MAGI1: variants seen among roughly 807,000 people sequenced by gnomAD.
MAGI1 encodes the protein membrane-associated guanylate kinase, WW and PDZ domain-containing protein 1.
Under a neutral mutation model 139.9 loss-of-function variants are expected in MAGI1, and 58 were observed. That is an observed-to-expected ratio of 0.41 (90% confidence interval 0.34 to 0.52). The LOEUF is 0.52. MAGI1 is among the 20% of genes least tolerant of loss of function. The probability of loss-of-function intolerance (pLI) is 0.12; values close to 1 mark genes in which losing one functional copy is unlikely to be tolerated. For missense variants in MAGI1, 1,874 were observed against 1,901.6 expected (o/e 0.99, Z 0.27); for synonymous variants, 812 against 737.9 (o/e 1.10, Z -1.63).
rs575640979 is a variant in MAGI1 at position 65,819,454 on chromosome 3, T to C, written c.314-197366A>G. ...ACATTGGTCATCCTAGTGACCAATG[T>C]ATACAAGTGAATAACAGCAGGACAG... On this transcript the variant is annotated intron_variant, in intron 1 of 22. Coordinates refer to ENST00000402939, the MANE Select transcript of MAGI1 (RefSeq NM_001033057.2). Among the ~76,000 whole-genome samples the C allele has an allele frequency of 2.0e-5, 3 of 152,262 alleles. No homozygotes were observed. In the East Asian group the frequency reaches 5.8e-4, roughly 30 times the overall value.
At chr3:65,768,265 C>T (rs1303290397) in intron 1 of MAGI1, among the ~76,000 whole-genome samples, 1 of 152,048 alleles carries the variant, frequency 6.6e-6, no homozygotes, top group East Asian at 1.9e-4. Context: ...ACTAAAAATA[C>T]AAAAATTAGC....
At chr3:65,468,367 C>CTTTTT (rs71102860) in intron 5 of MAGI1, among the ~76,000 whole-genome samples, 1 of 61,366 alleles carries the variant, frequency 1.6e-5, no homozygotes, top group African/African-American at 6.9e-5. Flanking sequence ...AGAGGGTATT[C>CTTTTT]TTTTTTTTTT....
At chr3:65,455,255 T>C (rs1949315083) in intron 5 of MAGI1, among the ~76,000 whole-genome samples, 1 of 152,222 alleles carries the variant, frequency 6.6e-6, no homozygotes, top group African/African-American at 2.4e-5. Context: ...ATACTGATAC[T>C]GACACAGTCA....
chr3:65,770,384 T>A (rs814758), intron 1 of MAGI1, among the ~76,000 whole-genome samples: 22,258 of 152,182 alleles, frequency 0.15, 2,209 homozygotes, highest in South Asian at 0.37. Context: ...CGTAGGGCAT[T>A]GGTGATTTAA....
At chr3:65,553,660 A>T (rs1254262296) in intron 2 of MAGI1, among the ~76,000 whole-genome samples, 1 of 152,190 alleles carries the variant, frequency 6.6e-6, no homozygotes, top group Non-Finnish European at 1.5e-5. Flanking sequence ...AATAAATAAG[A>T]GTCCAAAAGT....
chr3:65,496,435 T>C (rs901345662), intron 2 of MAGI1, among the ~76,000 whole-genome samples: 7 of 152,102 alleles, frequency 4.6e-5, no homozygotes, highest in Admixed American at 3.9e-4. Context: ...GGGGGACCAG[T>C]TGGGTGGTTA....
At chr3:65,779,419 A>C (rs907056095) in intron 1 of MAGI1, among the ~76,000 whole-genome samples, 1 of 152,226 alleles carries the variant, frequency 6.6e-6, no homozygotes, top group African/African-American at 2.4e-5. Context: ...ACACTAAAGC[A>C]CTCAACTTTT....
intron 1 of MAGI1, among the ~76,000 whole-genome samples, chr3:65,751,942 T>C (rs2036187418): frequency 6.6e-6 from 1 of 152,160 alleles, no homozygotes; most frequent in Admixed American, 6.5e-5. Context: ...GTCTGATTTT[T>C]TCGTTTGTTT....
chr3:65,866,591 T>C (rs1327719343), intron 1 of MAGI1, among the ~76,000 whole-genome samples: 1 of 151,968 alleles, frequency 6.6e-6, no homozygotes, highest in Non-Finnish European at 1.5e-5. Flanking sequence ...AACCTGAACT[T>C]TGGAACAAAA....
intron 1 of MAGI1, among the ~76,000 whole-genome samples, chr3:65,726,184 A>G (rs1341483566): frequency 6.6e-6 from 1 of 152,226 alleles, no homozygotes; most frequent in Non-Finnish European, 1.5e-5. Flanking sequence ...GTCATTGATT[A>G]GATTTACATT....
chr3:65,983,575 T>C (rs1390711726), intron 1 of MAGI1, among the ~76,000 whole-genome samples: 2 of 152,236 alleles, frequency 1.3e-5, no homozygotes, highest in African/African-American at 4.8e-5. Flanking sequence ...TAGGTGAATA[T>C]TATGTTTTAA....
At chr3:65,935,187 A>T (rs2062990660) in intron 1 of MAGI1, among the ~76,000 whole-genome samples, 1 of 152,184 alleles carries the variant, frequency 6.6e-6, no homozygotes, top group South Asian at 2.1e-4. Context: ...ACAGGCAAGA[A>T]AGAATATTTC....
At position 65,361,750 on chromosome 3, in the gene MAGI1, T is replaced by A. The variant is rs181289768; in HGVS notation, c.3496-413A>T. ...GTTCAAAGATCAGGTCATAAAACGA[T>A]TTTGTCATCTGTCTTACTTGCCCTC... On this transcript the variant is annotated intron_variant, in intron 21 of 22. Transcript: ENST00000402939. 2.6e-5 allele frequency among the ~76,000 whole-genome samples: 4 copies of A among 152,320 alleles called. No homozygotes were observed. The East Asian group carries it at 7.7e-4, about 29-fold the overall frequency.
chr3:65,842,315 CTTTCTT>C (rs2058834773), intron 1 of MAGI1, among the ~76,000 whole-genome samples: 2 of 151,276 alleles, frequency 1.3e-5, no homozygotes, highest in Admixed American at 1.3e-4. Flanking sequence ...CCTGTTTTCT[CTTTCTT>C]TTTCAATGTT....
intron 2 of MAGI1, among the ~76,000 whole-genome samples, chr3:65,507,528 T>A (rs1309408934): frequency 6.6e-6 from 1 of 152,228 alleles, no homozygotes; most frequent in African/African-American, 2.4e-5. Flanking sequence ...ATGCTTATGT[T>A]TTCCCCCATA....
Position 65,553,365 on chromosome 3 carries a change from A to G in MAGI1, c.431-59734T>C, listed in dbSNP as rs368542483. 1.3e-4 allele frequency among the ~76,000 whole-genome samples: 20 copies of G among 152,274 alleles called. No homozygotes were observed. In the East Asian group the frequency reaches 3.7e-3, roughly 28 times the overall value. The stretch of plus-strand genomic sequence containing the variant: ...TCATGTTCATTTATTTTTTAAGTGT[A>G]AACAGTATTGCCCTAACATTAAACA... On this transcript the variant is annotated intron_variant, in intron 2 of 22. Transcript: ENST00000402939.
chr3:65,503,161 G>A (rs933750484), intron 2 of MAGI1, among the ~76,000 whole-genome samples: 7 of 152,138 alleles, frequency 4.6e-5, no homozygotes, highest in Admixed American at 4.6e-4. Flanking sequence ...ATCAGTTTGG[G>A]TCTGTGTCTA....
chr3:65,558,045 G>A (rs1243494042), intron 2 of MAGI1, among the ~76,000 whole-genome samples: 1 of 152,122 alleles, frequency 6.6e-6, no homozygotes, highest in Non-Finnish European at 1.5e-5. Flanking sequence ...GGTCTGTCCG[G>A]ACTGCAGTCT....
intron 5 of MAGI1, among the ~76,000 whole-genome samples, chr3:65,457,542 G>C (rs1446666526): frequency 6.6e-6 from 1 of 152,068 alleles, no homozygotes; most frequent in Non-Finnish European, 1.5e-5. Flanking sequence ...CCAATATATG[G>C]TTTGTTAGAT....
Sources: gnomAD v4.1 joint callset for allele counts (sites outside exome capture counted in the v4.1 genomes callset) on GRCh38, gnomAD v4.1.1 for gene constraint, MANE v1.5 for transcripts, NCBI Gene and HGNC (gene_info 2026-07-23, HGNC 2026-07-21) for gene names.